Variants in PIBF1 observed in about 807,000 individuals in gnomAD.
PIBF1 encodes progesterone immunomodulatory binding factor 1.
PIBF1 carries 90 observed loss-of-function variants against 112.5 expected under a neutral mutation model. The ratio of observed to expected loss-of-function variants is 0.80; its 90% CI spans 0.67 to 0.95. PIBF1 has a LOEUF of 0.95. Ranked by LOEUF, PIBF1 falls within the 40% of genes least tolerant of loss-of-function variation. The pLI is 0.00. For synonymous variants in PIBF1, 301 were observed against 288.6 expected (o/e 1.04, Z -0.44); for missense variants, 915 against 852.3 (o/e 1.07, Z -0.92).
chr13:72,797,873 T>C, intron 4 of PIBF1, 34 bp from the exon 5 acceptor site: 3 of 1,533,506 alleles, frequency 2.0e-6, no homozygotes, highest in Non-Finnish European at 2.6e-6. Context: ...GTAATTTGGA[T>C]TTAAGACTGC....
At chr13:72,844,091 C>A (rs1478094634) in intron 9 of PIBF1, among the ~76,000 whole-genome samples, 1 of 152,124 alleles carries the variant, frequency 6.6e-6, no homozygotes, top group South Asian at 2.1e-4. Context: ...ACTTTACATA[C>A]GTTGTAGAAA....
chr13:72,915,815 T>G (rs1246275237), intron 12 of PIBF1, among the ~76,000 whole-genome samples: 1 of 152,204 alleles, frequency 6.6e-6, no homozygotes, highest in African/African-American at 2.4e-5. Flanking sequence ...TAAATGTTTC[T>G]AAAATCTTTA....
chr13:72,797,267 C>G (rs1363055627), intron 4 of PIBF1, among the ~76,000 whole-genome samples: 1 of 152,096 alleles, frequency 6.6e-6, no homozygotes, highest in East Asian at 1.9e-4. Context: ...TTATTGAGTG[C>G]TTATCATATA....
chr13:72,783,495 C>CA lies in PIBF1; in HGVS notation c.33dup (p.Val12SerfsTer5), dbSNP rs925772654. The CA allele has an allele frequency of 1.2e-6, 2 of 1,603,104 alleles. No homozygotes were observed. The highest frequency in any genetic ancestry group is 1.7e-6 in the Non-Finnish European group (2 of 1,174,104). Reference sequence around the variant, plus strand: ...ATGTCTCGAAAAATTTCAAAGGAGTCAAAAAAAGTGAACATCTCTAGTTCT... The same window carrying CA: ...ATGTCTCGAAAAATTTCAAAGGAGTCAAAAAAAAGTGAACATCTCTAGTTCT... On this transcript the variant is annotated frameshift_variant, in exon 2 of 18. Transcript: ENST00000326291. LOFTEE classifies it high-confidence loss of function.
In PIBF1 at chr13:72,843,559, G is replaced by A. The variant is rs56374943; in HGVS notation, c.1223+8191G>A. Among the ~76,000 whole-genome samples the A allele has an allele frequency of 3.6e-3, 543 of 152,324 alleles. 3 individuals carry two copies. Among genetic ancestry groups the A allele is most frequent in the African/African-American group, 0.012 (508 of 41,570 alleles). On this transcript the variant is annotated intron_variant, in intron 9 of 17. Coordinates refer to ENST00000326291, the MANE Select transcript of PIBF1 (RefSeq NM_006346.4). ...CCCAGGTAGCTGGGATTATAGGCAT[G>A]TGCCACTATGCCCAGCTAATTTTTG... is the stretch of plus-strand genomic sequence containing the variant.
intron 5 of PIBF1, among the ~76,000 whole-genome samples, chr13:72,811,104 C>T (rs554533193): frequency 1.3e-5 from 2 of 152,230 alleles, no homozygotes; most frequent in South Asian, 4.1e-4. Context: ...TCGTGATCTG[C>T]CCACCTTGGC....
chr13:72,809,272 G>T (rs1227409011), intron 5 of PIBF1, among the ~76,000 whole-genome samples: 1 of 150,542 alleles, frequency 6.6e-6, no homozygotes, highest in Non-Finnish European at 1.5e-5. Context: ...TAAAATGCCT[G>T]CAATCAATCA....
intron 10 of PIBF1, among the ~76,000 whole-genome samples, chr13:72,854,764 A>T (rs983059017): frequency 4.6e-5 from 7 of 151,844 alleles, no homozygotes; most frequent in Admixed American, 4.6e-4. Flanking sequence ...TTTTACTTTT[A>T]AAAAACCTGC....
intron 8 of PIBF1, among the ~76,000 whole-genome samples, chr13:72,832,715 T>C (rs1285111733): frequency 8.5e-5 from 13 of 152,160 alleles, no homozygotes; most frequent in Non-Finnish European, 1.5e-4. Context: ...TTTCCTTCAT[T>C]TCAACCTTGG....
At chr13:72,890,055 C>T (rs2138549193) in intron 10 of PIBF1, among the ~76,000 whole-genome samples, 1 of 152,244 alleles carries the variant, frequency 6.6e-6, no homozygotes, top group Admixed American at 6.5e-5. Context: ...TGGGAATAAA[C>T]CATATACATG....
At chr13:72,883,490 C>A (rs1242285995) in intron 10 of PIBF1, among the ~76,000 whole-genome samples, 2 of 152,102 alleles carry the variant, frequency 1.3e-5, no homozygotes, top group African/African-American at 2.4e-5. Context: ...TGGCTTTATA[C>A]TGGATCAGTG....
chr13:72,997,880 C>T (rs199675089), intron 16 of PIBF1, among the ~76,000 whole-genome samples: 6 of 3,170 alleles, frequency 1.9e-3, no homozygotes, highest in Non-Finnish European at 8.5e-3. Flanking sequence ...TCATAAATAC[C>T]CACTAGTGTT....
At chr13:72,987,810 C>T (rs1228670622) in intron 16 of PIBF1, among the ~76,000 whole-genome samples, 1 of 144,892 alleles carries the variant, frequency 6.9e-6, no homozygotes, top group Non-Finnish European at 1.5e-5. Flanking sequence ...CCATGCCTGG[C>T]CTTCTTGAGT....
intron 9 of PIBF1, among the ~76,000 whole-genome samples, chr13:72,852,348 A>C (rs993937426): frequency 2.6e-5 from 4 of 152,182 alleles, no homozygotes; most frequent in African/African-American, 4.8e-5. Flanking sequence ...GTCCAGTCGC[A>C]GCCTCACAGG....
At chr13:72,920,552 C>G (rs550731549) in intron 13 of PIBF1, among the ~76,000 whole-genome samples, 3 of 152,152 alleles carry the variant, frequency 2.0e-5, no homozygotes, top group Non-Finnish European at 4.4e-5. Flanking sequence ...GGTGGCTTTG[C>G]GCTCTTTTTA....
At chr13:72,849,103 G>A (rs7319337) in intron 9 of PIBF1, among the ~76,000 whole-genome samples, 117,934 of 152,098 alleles carry the variant, frequency 0.78, 46,026 homozygotes, top group South Asian at 0.85. Context: ...TTTCCTCTCA[G>A]TATGTCTCCA....
intron 17 of PIBF1, among the ~76,000 whole-genome samples, chr13:73,000,441 G>A (rs773136739): frequency 9.2e-5 from 14 of 152,184 alleles, no homozygotes; most frequent in Non-Finnish European, 1.8e-4. Context: ...CAGAATGGCT[G>A]CCCTTAATGG....
intron 6 of PIBF1, among the ~76,000 whole-genome samples, chr13:72,824,658 A>G (rs1314058341): frequency 6.6e-6 from 1 of 152,208 alleles, no homozygotes; most frequent in East Asian, 1.9e-4. Context: ...ATATTGATTC[A>G]GAATCATCAT....
chr13:72,980,166 T>A (rs1223668044), intron 16 of PIBF1, among the ~76,000 whole-genome samples: 1 of 152,138 alleles, frequency 6.6e-6, no homozygotes, highest in Non-Finnish European at 1.5e-5. Context: ...GAAAGAGAAT[T>A]CATCTGTTAA....
Sources: allele counts gnomAD v4.1 joint callset (sites outside exome capture counted in the v4.1 genomes callset), GRCh38; gene constraint gnomAD v4.1.1; transcripts MANE v1.5; gene names NCBI Gene and HGNC (gene_info 2026-07-23, HGNC 2026-07-21).